The following PCDH15 variants were observed in gnomAD, a reference collection of about 807,000 sequenced individuals.
PCDH15 encodes protocadherin-15.
Under a neutral mutation model 178.5 loss-of-function variants are expected in PCDH15, and 129 were observed. That is an observed-to-expected ratio of 0.72 (90% confidence interval 0.63 to 0.84). PCDH15 has a LOEUF of 0.84. Among genes scored for constraint, PCDH15 ranks in the 40% least tolerant of loss-of-function variants. PCDH15 has a pLI of 0.00. For synonymous variants in PCDH15, 800 were observed against 732.0 expected (o/e 1.09, Z -1.50); for missense variants, 2,230 against 2,099.9 (o/e 1.06, Z -1.21).
intron 1 of PCDH15, among the ~76,000 whole-genome samples, chr10:54,680,987 G>T (rs1033003384): frequency 3.3e-5 from 5 of 152,118 alleles, no homozygotes; most frequent in African/African-American, 1.2e-4. Flanking sequence ...TAAACTAAGG[G>T]ATATTTTAGA....
At chr10:54,508,026 C>A (rs1159912640) in intron 3 of PCDH15, among the ~76,000 whole-genome samples, 1 of 151,970 alleles carries the variant, frequency 6.6e-6, no homozygotes, top group Non-Finnish European at 1.5e-5. Context: ...TTCCTCTAAC[C>A]TGCATAACAC....
At chr10:54,223,877 G>C (rs1202234813) in intron 9 of PCDH15, among the ~76,000 whole-genome samples, 5 of 152,080 alleles carry the variant, frequency 3.3e-5, no homozygotes, top group Non-Finnish European at 7.4e-5. Context: ...AGAAAACAAA[G>C]TCCTTTCAAT....
chr10:54,742,659 T>C (rs1453728005), intron 1 of PCDH15, among the ~76,000 whole-genome samples: 2 of 152,018 alleles, frequency 1.3e-5, no homozygotes, highest in African/African-American at 4.8e-5. Context: ...ACTGACTTTA[T>C]ACCAGGGTGA....
intron 18 of PCDH15, among the ~76,000 whole-genome samples, chr10:54,063,332 C>A (rs908921376): frequency 1.3e-5 from 2 of 152,150 alleles, no homozygotes; most frequent in African/African-American, 4.8e-5. Context: ...ACTAACTTTC[C>A]CTAACAGATT....
At chr10:53,867,709 T>C (rs2079552519) in intron 26 of PCDH15, among the ~76,000 whole-genome samples, 1 of 152,092 alleles carries the variant, frequency 6.6e-6, no homozygotes. Flanking sequence ...ATTTTTGATG[T>C]AGTATATAGC....
At chr10:54,172,495 C>G (rs770048292) in intron 13 of PCDH15, among the ~76,000 whole-genome samples, 1 of 151,844 alleles carries the variant, frequency 6.6e-6, no homozygotes, top group Admixed American at 6.6e-5. Flanking sequence ...TCTCTTCACG[C>G]GCATGAAAAT....
At chr10:54,530,699 TC>T (rs1264048602) in intron 2 of PCDH15, among the ~76,000 whole-genome samples, 8 of 152,226 alleles carry the variant, frequency 5.3e-5, no homozygotes, top group African/African-American at 1.7e-4. Context: ...CTTAGATAAT[TC>T]CCACTACGAT....
rs183261432 is a variant in PCDH15, at chr10:55,117,918, C to T, written c.-80+48658G>A. On this transcript the variant is annotated intron_variant, in intron 2 of 5. Coordinates refer to the PCDH15 transcript ENST00000458638. Reference sequence around the variant, plus strand: ...AAAATCACCATGGAATATATCTGTGCTGTGGGTCTCATTACTGAAAAAGAT... The same window carrying T: ...AAAATCACCATGGAATATATCTGTGTTGTGGGTCTCATTACTGAAAAAGAT... Among the ~76,000 whole-genome samples, 26 of 152,206 alleles carry T rather than the reference C, an allele frequency of 1.7e-4. No homozygotes were observed. The East Asian group carries it at 4.8e-3, about 28-fold the overall frequency.
chr10:53,964,777 A>T (rs1207320235), intron 21 of PCDH15, among the ~76,000 whole-genome samples: 1 of 152,050 alleles, frequency 6.6e-6, no homozygotes, highest in African/African-American at 2.4e-5. Flanking sequence ...TTTTAGAAAA[A>T]CTTTGGCCTA....
At chr10:54,126,623 C>G (rs191511127) in intron 15 of PCDH15, among the ~76,000 whole-genome samples, 1 of 151,864 alleles carries the variant, frequency 6.6e-6, no homozygotes, top group Non-Finnish European at 1.5e-5. Context: ...TAAACTAATG[C>G]TACATTATAG....
intron 18 of PCDH15, among the ~76,000 whole-genome samples, chr10:54,023,418 T>A (rs952483467): frequency 6.6e-6 from 1 of 151,334 alleles, no homozygotes; most frequent in African/African-American, 2.4e-5. Context: ...ACGGATAATG[T>A]CATTAGCAAT....
intron 2 of PCDH15, among the ~76,000 whole-genome samples, chr10:54,919,387 A>C (rs1359229281): frequency 2.0e-5 from 3 of 152,168 alleles, no homozygotes; most frequent in African/African-American, 7.2e-5. Context: ...CTCAATCTCT[A>C]TTAGCCTGAA....
At chr10:54,716,726 C>T (rs914253868) in intron 1 of PCDH15, among the ~76,000 whole-genome samples, 1 of 151,932 alleles carries the variant, frequency 6.6e-6, no homozygotes. Flanking sequence ...ATCAAGCTAC[C>T]AATGACTTTC....
intron 14 of PCDH15, among the ~76,000 whole-genome samples, chr10:54,135,698 A>C (rs371648429): frequency 1.3e-5 from 2 of 152,182 alleles, no homozygotes; most frequent in Admixed American, 6.5e-5. Context: ...CACATTCTCT[A>C]TGCATAACAA....
rs558843948 is a variant in PCDH15, at chr10:55,207,999, A to G, written c.-155-41348T>C. Among the ~76,000 whole-genome samples the G allele has an allele frequency of 1.4e-4, 22 of 152,240 alleles. 1 individual carries two copies. The highest frequency in any genetic ancestry group is 5.1e-4 in the African/African-American group (21 of 41,528). On this transcript the variant is annotated intron_variant, in intron 1 of 5. Transcript: ENST00000458638. ...ACAAACAAACAAACAAAAAATTAAT[A>G]GATACAGATATATATTTTTAACTCA...
intron 2 of PCDH15, among the ~76,000 whole-genome samples, chr10:55,621,928 A>G (rs1003567938): frequency 8.7e-5 from 13 of 148,940 alleles, no homozygotes; most frequent in African/African-American, 2.7e-4. Context: ...AGGAAACGAC[A>G]TTGAAACCCT....
chr10:54,180,728 T>C (rs1292583906), intron 13 of PCDH15, among the ~76,000 whole-genome samples: 1 of 152,198 alleles, frequency 6.6e-6, no homozygotes, highest in Non-Finnish European at 1.5e-5. Context: ...TGGAGGATGT[T>C]TTATAGCGAG....
intron 3 of PCDH15, among the ~76,000 whole-genome samples, chr10:54,442,229 A>G (rs1374693777): frequency 1.3e-5 from 2 of 150,374 alleles, no homozygotes; most frequent in Non-Finnish European, 3.0e-5. Context: ...TAGTGAGGGT[A>G]AAGTGTAAGT....
At chr10:53,847,916 C>T (rs965342933) in intron 28 of PCDH15, among the ~76,000 whole-genome samples, 14 of 151,864 alleles carry the variant, frequency 9.2e-5, no homozygotes, top group African/African-American at 3.4e-4. Context: ...AAAATTAAAA[C>T]AAAATTAAAT....
Sources: gnomAD v4.1 joint callset for allele counts (sites outside exome capture counted in the v4.1 genomes callset) on GRCh38, gnomAD v4.1.1 for gene constraint, MANE v1.5 for transcripts, NCBI Gene and HGNC (gene_info 2026-07-23, HGNC 2026-07-21) for gene names.